Variants in BSCL2 observed in about 807,000 individuals in gnomAD.
BSCL2 encodes BSCL2 lipid droplet biogenesis associated, seipin, also known as seipin.
BSCL2 carries 41 observed loss-of-function variants against 57.4 expected under a neutral mutation model. The observed-to-expected ratio is 0.71, with a 90% CI of 0.56 to 0.93. The LOEUF is 0.93. BSCL2 is among the 40% of genes least tolerant of loss of function. BSCL2 has a pLI of 0.00. For synonymous variants in BSCL2, 237 were observed against 227.3 expected, an observed-to-expected ratio of 1.04 and a Z score of -0.38; for missense variants, 539 against 586.7, an observed-to-expected ratio of 0.92 and a Z score of 0.84.
upstream of BSCL2, chr11:62,707,487 G>A (rs2083561916): frequency 6.1e-6 from 4 of 650,760 alleles, no homozygotes; most frequent in Non-Finnish European, 5.6e-6. Context: ...CCCAGACCAC[G>A]CCATTTGAGA....
At chr11:62,708,556 A>T, upstream of BSCL2, 1 of 1,407,134 alleles carries the variant, frequency 7.1e-7, no homozygotes, top group Non-Finnish European at 9.8e-7. Context: ...TCTGGGGGGG[A>T]TGAGGGAGAA....
At chr11:62,703,771 T>C (rs1263503817) in intron 2 of BSCL2, among the ~76,000 whole-genome samples, 1 of 151,982 alleles carries the variant, frequency 6.6e-6, no homozygotes, top group Non-Finnish European at 1.5e-5. Context: ...CTTTAAACCA[T>C]TGATTATAAC....
In BSCL2 at chr11:62,703,050, T is replaced by C. The variant is rs531528979; in HGVS notation, c.405-501A>G. Among the ~76,000 whole-genome samples, 3 of 151,476 alleles carry C rather than the reference T, an allele frequency of 2.0e-5. No individual in the cohort carries two copies. The South Asian group carries it at 6.2e-4, about 32-fold the overall frequency. On this transcript the variant is annotated intron_variant, in intron 2 of 10. Transcript: ENST00000360796. ...CTGTAATCCCACCTACTCGGGACGC[T>C]GAGGCAGAAGAATCGCCTGAACCTG...
rs2083557699 is a variant in BSCL2, at chr11:62,707,308, T to C, written c.-113A>G. On this transcript the variant is annotated 5_prime_UTR_variant, in exon 1 of 11. Coordinates refer to ENST00000360796, the MANE Select transcript of BSCL2 (RefSeq NM_001122955.4). ...GTGGCGCATCACATTTTCCTGGATA[T>C]GGAAAATGGAGGGTCCCTGGGAGAG... The C allele has an allele frequency of 1.1e-6, 1 of 945,680 alleles. No homozygotes were observed. Among genetic ancestry groups the C allele is most frequent in the African/African-American group, 1.6e-5 (1 of 61,430 alleles). The allele number at this position is 945,680 out of a possible 1,614,324, so 58.6% of individuals were successfully genotyped here.
rs71056549 is a variant in BSCL2 at position 62,704,369 on chromosome 11, TAAAAAAAAAA to T, written c.404+922_404+931del. On this transcript the variant is annotated intron_variant, in intron 2 of 10. Coordinates refer to ENST00000360796, the MANE Select transcript of BSCL2 (RefSeq NM_001122955.4). ...TAACAAGGTGAAACCCCATCTCTAC[TAAAAAAAAAA>T]AAAAAAAAAAAAAAAAATTAGCTGG... is the stretch of plus-strand genomic sequence containing the variant. Among the ~76,000 whole-genome samples the T allele has an allele frequency of 3.7e-5, 3 of 81,766 alleles. No homozygotes were observed. The Admixed American group carries it at 4.1e-4, about 11-fold the overall frequency. The allele number at this position is 81,766 out of a possible 152,430, so 53.6% of individuals were successfully genotyped here.
Position 62,705,664 on chromosome 11 carries a change from G to C in BSCL2, c.88-47C>G, listed in dbSNP as rs186680211. 18 of 1,453,488 alleles carry C rather than the reference G, an allele frequency of 1.2e-5. No individual in the cohort carries two copies. The East Asian group carries it at 4.2e-4, about 34-fold the overall frequency. The allele number at this position is 1,453,488 out of a possible 1,614,324, so 90.0% of individuals were successfully genotyped here. On this transcript the variant is annotated intron_variant, in intron 1 of 10. Transcript: ENST00000360796. ...AAAGAGTGACTCCTTTCCCCAGGGAGGTGGGGACAAAACAGCTTACTGGAC... is the reference window on the plus strand; with the variant it reads ...AAAGAGTGACTCCTTTCCCCAGGGACGTGGGGACAAAACAGCTTACTGGAC...
At chr11:62,709,250 T>C (rs1332466548), upstream of BSCL2, 3 of 454,272 alleles carry the variant, frequency 6.6e-6, no homozygotes, top group Admixed American at 4.7e-5. Flanking sequence ...CATCAAGCAA[T>C]AGATCTGCCA....
At chr11:62,703,347 G>T (rs1276997046) in intron 2 of BSCL2, among the ~76,000 whole-genome samples, 10 of 68,772 alleles carry the variant, frequency 1.5e-4, no homozygotes, top group African/African-American at 1.6e-4. Flanking sequence ...ATGCATATAC[G>T]TTTTTTTTTT....
At chr11:62,709,470 G>A (rs140464426), upstream of BSCL2, 18 of 453,966 alleles carry the variant, frequency 4.0e-5, no homozygotes, top group South Asian at 6.2e-5. Flanking sequence ...GGGGGATTTA[G>A]GGGAGGGTGC....
rs761180242 is a variant in BSCL2 at position 62,705,320 on chromosome 11, G to C, written c.385C>G (p.Pro129Ala). 8 of 1,612,810 alleles carry C rather than the reference G, an allele frequency of 5.0e-6. No individual in the cohort carries two copies. Among genetic ancestry groups the C allele is most frequent in the Non-Finnish European group, 6.8e-6 (8 of 1,179,428 alleles). The change falls in exon 2 of 11, where the codon CCT becomes GCT. Residue 129 changes from proline (P) to alanine (A), a missense_variant. This residue lies in a region of BSCL2 where 218 missense variants were observed against 224.8 expected (regional missense o/e 0.97). Coordinates refer to ENST00000360796, the MANE Select transcript of BSCL2 (RefSeq NM_001122955.4). ...SYMPTVSHLS[P>A]VHFYYRTDCD... ...TCTCACCTGTAGTAGAAATGCACAG[G>C]GCTGAGGTGGCTGACTGTCGGCATA...
chr11:62,705,151 C>A, intron 2 of BSCL2, 150 bp downstream of exon 2: 25 of 701,766 alleles, frequency 3.6e-5, no homozygotes, highest in Middle Eastern at 4.4e-4. Flanking sequence ...CAACCCAAAT[C>A]TAGCCTTGGG....
intron 1 of BSCL2, chr11:62,705,918 T>G: frequency 2.8e-6 from 1 of 361,640 alleles, no homozygotes; most frequent in South Asian, 4.6e-5. Context: ...ATAAGCACCT[T>G]ACGATTCTTA....
chr11:62,692,517 C>T, intron 5 of BSCL2, 44 bp from the exon 6 acceptor site: 1 of 1,609,200 alleles, frequency 6.2e-7, no homozygotes, highest in Non-Finnish European at 8.5e-7. Context: ...CAGGGTCCTG[C>T]CGCTAGCACT....
chr11:62,695,934 G>C (rs1437097392), intron 3 of BSCL2, among the ~76,000 whole-genome samples: 1 of 151,716 alleles, frequency 6.6e-6, no homozygotes, highest in Non-Finnish European at 1.5e-5. Flanking sequence ...CAGCACTTTG[G>C]GAGGCTGAGA....
upstream of BSCL2, chr11:62,709,256 T>C (rs2083593156): frequency 2.2e-6 from 1 of 454,336 alleles, no homozygotes; most frequent in African/African-American, 2.0e-5. Context: ...GCAATAGATC[T>C]GCCATACCCA....
chr11:62,694,250 A>T (rs1590872603), intron 4 of BSCL2, among the ~76,000 whole-genome samples: 1 of 105,302 alleles, frequency 9.5e-6, no homozygotes, highest in African/African-American at 3.7e-5. Flanking sequence ...GTTGCCCAGG[A>T]GGGAGAATAG....
chr11:62,692,156 G>A (rs1274875695), intron 6 of BSCL2, among the ~76,000 whole-genome samples: 1 of 151,968 alleles, frequency 6.6e-6, no homozygotes, highest in Non-Finnish European at 1.5e-5. Flanking sequence ...ATGATGGAGG[G>A]TTGGGGGGAC....
chr11:62,690,552 A>T, intron 10 of BSCL2, 31 bp from the exon 11 acceptor site: 1 of 1,611,126 alleles, frequency 6.2e-7, no homozygotes. Context: ...ACAAAATCTC[A>T]AATGGGATAT....
upstream of BSCL2, chr11:62,709,311 G>T (rs2083594201): frequency 2.2e-6 from 1 of 454,028 alleles, no homozygotes; most frequent in Non-Finnish European, 4.4e-6. Context: ...TCAAGGATCG[G>T]AGATCAGAGG....
Sources: allele counts gnomAD v4.1 joint callset (sites outside exome capture counted in the v4.1 genomes callset), GRCh38; gene constraint gnomAD v4.1.1; regional missense constraint gnomAD v4.1.1; transcripts MANE v1.5; gene names NCBI Gene and HGNC (gene_info 2026-07-23, HGNC 2026-07-21).